MAN2A1: variants seen among roughly 807,000 people sequenced by gnomAD.
MAN2A1 encodes alpha-mannosidase 2.
In MAN2A1, 76 loss-of-function variants were observed where a neutral mutation model predicts 142.6. The ratio of observed to expected loss-of-function variants is 0.53; its 90% CI spans 0.44 to 0.65. MAN2A1 has a LOEUF of 0.65. Among genes scored for constraint, MAN2A1 ranks in the 30% least tolerant of loss-of-function variants. The probability of loss-of-function intolerance (pLI) is 0.00; values close to 1 mark genes in which losing one functional copy is unlikely to be tolerated. For synonymous variants in MAN2A1, 559 were observed against 473.2 expected, an observed-to-expected ratio of 1.18 and a Z score of -2.35; for missense variants, 1,311 against 1,365.1, an observed-to-expected ratio of 0.96 and a Z score of 0.62.
intron 2 of MAN2A1, among the ~76,000 whole-genome samples, chr5:109,714,366 T>C (rs1246926239): frequency 2.0e-5 from 3 of 152,172 alleles, no homozygotes; most frequent in Admixed American, 6.5e-5. Context: ...CAAGATATCT[T>C]AATTCATTTA....
At position 109,767,569 on chromosome 5, in the gene MAN2A1, C is replaced by T. The variant is rs768474934; in HGVS notation, c.870C>T (p.Pro290=). The change falls in exon 6 of 22, where the codon CCC becomes CCT. Residue 290 remains proline, a synonymous_variant. Transcript: ENST00000261483. ...VKPRSGWAID[P]FGHSPTMAYL... is the part of the protein sequence containing the mutation. ...CTCGGTCCGGCTGGGCTATTGATCC[C>T]TTTGGACACTCACCAACAATGGCTT... 11 of 1,613,638 alleles carry T rather than the reference C, an allele frequency of 6.8e-6. No individual in the cohort carries two copies. In the South Asian group the frequency reaches 8.8e-5, roughly 13 times the overall value.
chr5:109,717,146 C>A (rs2269202), intron 3 of MAN2A1, among the ~76,000 whole-genome samples: 11 of 151,808 alleles, frequency 7.2e-5, no homozygotes, highest in African/African-American at 2.7e-4. Context: ...CTTAATATCT[C>A]GATTTCATGA....
At chr5:109,842,806 G>GTTTTTTGTTTTTTTTTTTTTTT (rs1554082994) in intron 17 of MAN2A1, among the ~76,000 whole-genome samples, 4 of 116,212 alleles carry the variant, frequency 3.4e-5, no homozygotes, top group African/African-American at 1.3e-4. Context: ...TACTTATTGG[G>GTTTTTTGTTTTTTTTTTTTTTT]TTTTTTTTTT....
intron 4 of MAN2A1, among the ~76,000 whole-genome samples, chr5:109,743,965 C>T (rs769798318): frequency 8.5e-5 from 13 of 152,158 alleles, no homozygotes; most frequent in Non-Finnish European, 1.6e-4. Flanking sequence ...TTCTGAGCCA[C>T]GGGTGTCCTC....
At chr5:109,719,331 G>A (rs976615472) in intron 3 of MAN2A1, among the ~76,000 whole-genome samples, 1 of 152,192 alleles carries the variant, frequency 6.6e-6, no homozygotes, top group Non-Finnish European at 1.5e-5. Flanking sequence ...ATGCTAGAGA[G>A]AAGAATCCAC....
Position 109,867,839 on chromosome 5 carries a change from A to AT in MAN2A1, c.*848dup, listed in dbSNP as rs1426108741. On this transcript the variant is annotated 3_prime_UTR_variant, in exon 22 of 22. Transcript: ENST00000261483. ...TACCATATCAAAATAAATGTGCCTT[A>AT]TTTTTTTATAAGTCTTGTTAAATCA... The AT allele has an allele frequency of 1.3e-5, 2 of 151,846 alleles. No individual in the cohort carries two copies. The highest frequency in any genetic ancestry group is 4.8e-5 in the African/African-American group (2 of 41,324). 9.4% of individuals were successfully genotyped at this position (151,846 alleles called of 1,614,324 possible). A position where few individuals can be genotyped will look rare whatever the true frequency, so the allele number is the denominator to read the frequency against.
chr5:109,822,328 T>G (rs1187066498), intron 15 of MAN2A1, among the ~76,000 whole-genome samples: 1 of 152,188 alleles, frequency 6.6e-6, no homozygotes, highest in Non-Finnish European at 1.5e-5. Flanking sequence ...TGACTGTATT[T>G]ATACTTAAAA....
intron 1 of MAN2A1, among the ~76,000 whole-genome samples, chr5:109,702,030 G>A (rs1750997696): frequency 6.6e-6 from 1 of 152,116 alleles, no homozygotes; most frequent in Non-Finnish European, 1.5e-5. Context: ...GCTCACTTGG[G>A]GACTGTGCTT....
chr5:109,833,257 C>T (rs1380779504), intron 16 of MAN2A1, among the ~76,000 whole-genome samples: 3 of 152,100 alleles, frequency 2.0e-5, no homozygotes, highest in African/African-American at 4.8e-5. Context: ...TCCTCGCTTC[C>T]CAGACAGGGT....
intron 1 of MAN2A1, among the ~76,000 whole-genome samples, chr5:109,694,717 C>T (rs1209080714): frequency 1.3e-5 from 2 of 151,698 alleles, no homozygotes; most frequent in African/African-American, 4.9e-5. Context: ...TACTTTACAT[C>T]AGTAGTACTT....
chr5:109,841,289 C>T (rs1032644096), intron 16 of MAN2A1, among the ~76,000 whole-genome samples: 5 of 152,144 alleles, frequency 3.3e-5, no homozygotes, highest in South Asian at 2.1e-4. Context: ...TTTTATCCCT[C>T]GCCCCCCTCC....
At chr5:109,833,411 C>T (rs1288516725) in intron 16 of MAN2A1, among the ~76,000 whole-genome samples, 1 of 152,144 alleles carries the variant, frequency 6.6e-6, no homozygotes, top group African/African-American at 2.4e-5. Context: ...ACTCCATCTG[C>T]AATCCCGGCA....
intron 12 of MAN2A1, among the ~76,000 whole-genome samples, chr5:109,793,607 C>T (rs977777296): frequency 1.3e-5 from 2 of 151,952 alleles, no homozygotes; most frequent in Non-Finnish European, 2.9e-5. Flanking sequence ...ACTTTAAGAC[C>T]GTTACAAATA....
chr5:109,704,542 C>G (rs1024976938), intron 1 of MAN2A1, among the ~76,000 whole-genome samples: 3 of 152,074 alleles, frequency 2.0e-5, no homozygotes, highest in Non-Finnish European at 4.4e-5. Flanking sequence ...GTGGCCACAG[C>G]CCCAGTTCAC....
Position 109,698,004 on chromosome 5 carries a change from G to T in MAN2A1, c.135+7452G>T, listed in dbSNP as rs575900556. ...TTCTCTTCTTTCACCTGAAGGTTTT[G>T]CACTGTAGGACTGCTCTGGGAAGGA... On this transcript the variant is annotated intron_variant, in intron 1 of 21. Coordinates refer to ENST00000261483, the MANE Select transcript of MAN2A1 (RefSeq NM_002372.4). Among the ~76,000 whole-genome samples the T allele has an allele frequency of 2.6e-5, 4 of 152,286 alleles. No individual in the cohort carries two copies. The South Asian group carries it at 8.3e-4, about 32-fold the overall frequency.
In MAN2A1 at chr5:109,826,097, G is replaced by T. The variant is rs536968594; in HGVS notation, c.2566+2260G>T. Among the ~76,000 whole-genome samples the T allele has an allele frequency of 1.1e-4, 16 of 151,314 alleles. No individual in the cohort carries two copies. The South Asian group carries it at 3.1e-3, about 30-fold the overall frequency. On this transcript the variant is annotated intron_variant, in intron 16 of 21. Transcript: ENST00000261483. The stretch of plus-strand genomic sequence containing the variant: ...ATTTTTCTATTTTTAGTAGGGATGG[G>T]GTTTCGCCATGTTGGTCAGGCTGGT...
intron 3 of MAN2A1, among the ~76,000 whole-genome samples, chr5:109,721,100 T>C (rs957090799): frequency 1.1e-4 from 16 of 152,208 alleles, no homozygotes; most frequent in African/African-American, 3.9e-4. Context: ...TGAAAAGTGG[T>C]AAATGAAGCC....
intron 13 of MAN2A1, 135 bp from the exon 14 acceptor site, chr5:109,819,534 T>C: frequency 2.0e-6 from 1 of 504,558 alleles, no homozygotes; most frequent in Non-Finnish European, 3.5e-6. Flanking sequence ...ACATGGAACC[T>C]GTGGATATGG....
At chr5:109,793,959 A>G (rs1251291004) in intron 12 of MAN2A1, among the ~76,000 whole-genome samples, 1 of 152,186 alleles carries the variant, frequency 6.6e-6, no homozygotes, top group Non-Finnish European at 1.5e-5. Context: ...ATGGGATTCA[A>G]GGCTAGCTTT....
Sources: allele counts gnomAD v4.1 joint callset (sites outside exome capture counted in the v4.1 genomes callset), GRCh38; gene constraint gnomAD v4.1.1; transcripts MANE v1.5; gene names NCBI Gene and HGNC (gene_info 2026-07-23, HGNC 2026-07-21).